Variants in HECW1 observed in about 807,000 individuals in gnomAD.
HECW1 encodes E3 ubiquitin-protein ligase HECW1.
Under a neutral mutation model 182.3 loss-of-function variants are expected in HECW1, and 61 were observed. The ratio of observed to expected loss-of-function variants is 0.33; its 90% CI spans 0.27 to 0.41. The LOEUF (loss-of-function observed/expected upper bound fraction) is 0.41, where lower values mean the gene tolerates loss of function less well. HECW1 is among the 10% of genes least tolerant of loss of function. HECW1 has a pLI of 1.00. For missense variants in HECW1, 1,739 were observed against 2,108.9 expected (o/e 0.82, Z 3.44); for synonymous variants, 859 against 832.6 (o/e 1.03, Z -0.55).
intron 5 of HECW1, among the ~76,000 whole-genome samples, chr7:43,325,769 C>T (rs1184483007): frequency 2.0e-5 from 3 of 152,186 alleles, no homozygotes; most frequent in African/African-American, 7.2e-5. Context: ...CCTCACCTCC[C>T]GGGTCAGTCT....
At chr7:43,250,168 CAA>C in intron 3 of HECW1, among the ~76,000 whole-genome samples, 1 of 151,780 alleles carries the variant, frequency 6.6e-6, no homozygotes, top group African/African-American at 2.4e-5. Context: ...CACAGAAATA[CAA>C]AATAAAACTG....
intron 3 of HECW1, among the ~76,000 whole-genome samples, chr7:43,280,239 C>G (rs1411846944): frequency 6.6e-6 from 1 of 152,148 alleles, no homozygotes; most frequent in Non-Finnish European, 1.5e-5. Flanking sequence ...TTGGTTTAAT[C>G]CAAGATCCTC....
At chr7:43,269,030 C>T (rs1018147978) in intron 3 of HECW1, among the ~76,000 whole-genome samples, 6 of 152,192 alleles carry the variant, frequency 3.9e-5, no homozygotes, top group Non-Finnish European at 2.9e-5. Context: ...GTGCCACCCT[C>T]TACCCACTCT....
chr7:43,459,410 A>G (rs546970965), intron 13 of HECW1, among the ~76,000 whole-genome samples: 4 of 152,322 alleles, frequency 2.6e-5, no homozygotes, highest in Non-Finnish European at 4.4e-5. Context: ...GAAAATATAA[A>G]TATGTATTCT....
intron 3 of HECW1, among the ~76,000 whole-genome samples, chr7:43,311,187 G>C (rs1356131046): frequency 6.6e-6 from 1 of 152,186 alleles, no homozygotes; most frequent in Admixed American, 6.5e-5. Flanking sequence ...AGAGTACTAG[G>C]ATGTTTGAAA....
At chr7:43,459,536 TGATTTA>T (rs1185930308) in intron 13 of HECW1, among the ~76,000 whole-genome samples, 2 of 151,916 alleles carry the variant, frequency 1.3e-5, no homozygotes, top group Admixed American at 1.3e-4. Context: ...ACCCCAAGGA[TGATTTA>T]GTTTTTTTTT....
At chr7:43,198,951 A>G (rs184136779) in intron 2 of HECW1, among the ~76,000 whole-genome samples, 353 of 152,356 alleles carry the variant, frequency 2.3e-3, no homozygotes, top group African/African-American at 8.1e-3. Context: ...CTCTCACAGC[A>G]TGCTTCCTAC....
At chr7:43,129,548 T>C (rs1459773648) in intron 2 of HECW1, among the ~76,000 whole-genome samples, 2 of 152,218 alleles carry the variant, frequency 1.3e-5, no homozygotes, top group African/African-American at 4.8e-5. Flanking sequence ...TTTGTTGAGA[T>C]AGTCACTTTA....
At chr7:43,557,976 T>C (rs905181559) in intron 29 of HECW1, among the ~76,000 whole-genome samples, 9 of 152,196 alleles carry the variant, frequency 5.9e-5, no homozygotes, top group African/African-American at 2.2e-4. Context: ...TGGAAACTGA[T>C]CAAGGATTGC....
At chr7:43,316,489 A>G (rs1809265208) in intron 4 of HECW1, among the ~76,000 whole-genome samples, 1 of 152,168 alleles carries the variant, frequency 6.6e-6, no homozygotes, top group Admixed American at 6.5e-5. Context: ...AGCTCAAGGA[A>G]TCCTTTCAAC....
chr7:43,303,979 A>C (rs759523182), intron 3 of HECW1, among the ~76,000 whole-genome samples: 1 of 152,186 alleles, frequency 6.6e-6, no homozygotes, highest in Non-Finnish European at 1.5e-5. Flanking sequence ...CTTTCTTCTT[A>C]TTTGACAGGT....
chr7:43,172,026 C>A (rs1791743992), intron 2 of HECW1, among the ~76,000 whole-genome samples: 1 of 151,650 alleles, frequency 6.6e-6, no homozygotes, highest in Non-Finnish European at 1.5e-5. Flanking sequence ...ATCTGTAATC[C>A]CAGCACTTTG....
rs761265435 is a variant in HECW1, at chr7:43,444,730, G to A, written c.1558G>A (p.Gly520Ser). Residue 520 changes from glycine to serine, a missense_variant, in exon 11 of 30, where the codon GGC becomes AGC. By Grantham distance (56) the Gly-to-Ser change is moderately conservative. Transcript: ENST00000395891. This position sits in a 1 kb window ranked among gnomAD's most constrained non-coding sequence, Gnocchi z 4.3. ...GDVSTLEQGE[G>S]RLQLRASVKR... ...TGTGTCTACCCTGGAGCAGGGAGAGGGCAGGCTGCAGCTGCGGGCCTCGGT... is the reference window on the plus strand; with the variant it reads ...TGTGTCTACCCTGGAGCAGGGAGAGAGCAGGCTGCAGCTGCGGGCCTCGGT... 19 of 1,612,896 alleles carry A rather than the reference G, an allele frequency of 1.2e-5. No homozygotes were observed. Among genetic ancestry groups the A allele is most frequent in the Middle Eastern group, 1.6e-4 (1 of 6,084 alleles).
At chr7:43,263,685 C>T (rs1364314092) in intron 3 of HECW1, among the ~76,000 whole-genome samples, 1 of 151,168 alleles carries the variant, frequency 6.6e-6, no homozygotes, top group Admixed American at 6.6e-5. Context: ...GGAAGGAAAA[C>T]ATAAGGAGAA....
At chr7:43,254,191 G>C (rs1017458493) in intron 3 of HECW1, among the ~76,000 whole-genome samples, 1 of 152,094 alleles carries the variant, frequency 6.6e-6, no homozygotes. Flanking sequence ...CCTGAGTCAG[G>C]CTCCAATTTA....
chr7:43,356,611 G>A (rs1468967787), intron 5 of HECW1, among the ~76,000 whole-genome samples: 4 of 152,106 alleles, frequency 2.6e-5, no homozygotes, highest in Admixed American at 1.3e-4. Flanking sequence ...TCAACACATG[G>A]AACATTCTTC....
intron 15 of HECW1, among the ~76,000 whole-genome samples, chr7:43,467,325 C>T (rs905408016): frequency 1.3e-4 from 19 of 151,750 alleles, no homozygotes; most frequent in African/African-American, 3.4e-4. Flanking sequence ...TCCTGAAGGT[C>T]GAAAGTGGAC....
At chr7:43,245,178 C>T (rs899069445) in intron 3 of HECW1, among the ~76,000 whole-genome samples, 3 of 152,192 alleles carry the variant, frequency 2.0e-5, no homozygotes, top group African/African-American at 7.2e-5. Flanking sequence ...CCTTGAGTAT[C>T]CCAGCTTGGT....
chr7:43,526,161 G>A (rs2080748596), intron 24 of HECW1, among the ~76,000 whole-genome samples: 2 of 152,100 alleles, frequency 1.3e-5, no homozygotes, highest in Admixed American at 1.3e-4. Flanking sequence ...AGGTATTTCT[G>A]GTATCCTGAT....
Sources: gnomAD v4.1 joint callset for allele counts (sites outside exome capture counted in the v4.1 genomes callset) on GRCh38, gnomAD v4.1.1 for gene constraint, Gnocchi (gnomAD v3.1) non-coding constraint, MANE v1.5 for transcripts, NCBI Gene and HGNC (gene_info 2026-07-23, HGNC 2026-07-21) for gene names.